Variants in PRKAG2 observed in about 807,000 individuals in gnomAD.
PRKAG2 encodes the protein 5'-AMP-activated protein kinase subunit gamma-2.
PRKAG2 carries 26 observed loss-of-function variants against 69.6 expected under a neutral mutation model. The ratio of observed to expected loss-of-function variants is 0.37; its 90% CI spans 0.27 to 0.52. PRKAG2 has a LOEUF of 0.52. Among genes scored for constraint, PRKAG2 ranks in the 20% least tolerant of loss-of-function variants. The pLI is 0.90. For missense variants in PRKAG2, 557 were observed against 740.0 expected, an observed-to-expected ratio of 0.75 and a Z score of 2.87; for synonymous variants, 293 against 285.0, an observed-to-expected ratio of 1.03 and a Z score of -0.28.
At chr7:151,585,202 T>G (rs967959833) in intron 6 of PRKAG2, among the ~76,000 whole-genome samples, 9 of 152,234 alleles carry the variant, frequency 5.9e-5, no homozygotes, top group African/African-American at 2.2e-4. Context: ...TTAATAAAAA[T>G]GATTTCTGTT....
chr7:151,693,972 A>T (rs573254951), intron 3 of PRKAG2, among the ~76,000 whole-genome samples: 5 of 152,266 alleles, frequency 3.3e-5, no homozygotes, highest in Admixed American at 1.3e-4. Context: ...CCTGGGTTCA[A>T]GCAATTCTTC....
In PRKAG2 at chr7:151,780,532, G is replaced by A. The variant is rs11981567; in HGVS notation, c.466+620C>T. Among the ~76,000 whole-genome samples, 2,345 of 152,256 alleles carry A rather than the reference G, an allele frequency of 0.015. 55 individuals carry two copies. Among genetic ancestry groups the A allele is most frequent in the African/African-American group, 0.053 (2,211 of 41,528 alleles). On this transcript the variant is annotated intron_variant, in intron 3 of 15. Coordinates refer to ENST00000287878, the MANE Select transcript of PRKAG2 (RefSeq NM_016203.4). The surrounding 1 kb of genome is among the most constrained non-coding windows in gnomAD (Gnocchi z 4.2). Reference sequence around the variant, plus strand: ...TATATTTCATATTATCATCGACGGCGCTCAAATGAAAATACCTTATCCTCA... The same window carrying A: ...TATATTTCATATTATCATCGACGGCACTCAAATGAAAATACCTTATCCTCA...
intron 3 of PRKAG2, among the ~76,000 whole-genome samples, chr7:151,687,922 A>G (rs184947965): frequency 1.5e-3 from 235 of 151,942 alleles, no homozygotes; most frequent in African/African-American, 5.4e-3. Flanking sequence ...CTCCTCCCCA[A>G]CGGGGCTCCC....
intron 1 of PRKAG2, among the ~76,000 whole-genome samples, chr7:151,876,132 C>T (rs1021827534): frequency 6.6e-6 from 1 of 150,870 alleles, no homozygotes; most frequent in Non-Finnish European, 1.5e-5. Flanking sequence ...GCTCCACCTC[C>T]CCGGAGCGCA....
At chr7:151,671,862 T>G (rs1315606038) in intron 4 of PRKAG2, among the ~76,000 whole-genome samples, 3 of 152,228 alleles carry the variant, frequency 2.0e-5, no homozygotes, top group Non-Finnish European at 4.4e-5. Context: ...GGACATTCTC[T>G]TCCATTCCTT....
In PRKAG2 at chr7:151,631,676, T is replaced by C. The variant is rs987891642; in HGVS notation, c.754+393A>G. 3.9e-5 allele frequency: 18 copies of C among 457,518 alleles called. No homozygotes were observed. In the East Asian group the frequency reaches 1.3e-3, roughly 32 times the overall value. 28.3% of individuals were successfully genotyped at this position (457,518 alleles called of 1,614,324 possible). A position where few individuals can be genotyped will look rare whatever the true frequency, so the allele number is the denominator to read the frequency against. Reference sequence around the variant, plus strand: ...ACAGGCGCAGATAAGGGCACCAGTCTATGATTAAAGGGTCTGGACTGTGGG... The same window carrying C: ...ACAGGCGCAGATAAGGGCACCAGTCCATGATTAAAGGGTCTGGACTGTGGG... On this transcript the variant is annotated intron_variant, in intron 5 of 15. Transcript: ENST00000287878.
chr7:151,817,833 G>C (rs560195388), intron 1 of PRKAG2, among the ~76,000 whole-genome samples: 7 of 152,330 alleles, frequency 4.6e-5, no homozygotes, highest in African/African-American at 1.7e-4. Context: ...TTCGATCAAA[G>C]TGATGTTCCC....
intron 3 of PRKAG2, among the ~76,000 whole-genome samples, chr7:151,766,508 G>C (rs1277141793): frequency 6.6e-6 from 1 of 152,196 alleles, no homozygotes; most frequent in African/African-American, 2.4e-5. Context: ...CCCAGATCGT[G>C]GATAAGTCCC....
In PRKAG2 at chr7:151,556,884, CA is replaced by C. The variant is rs1803883060; in HGVS notation, c.*316del. 1 of 406,136 alleles carries C rather than the reference CA, an allele frequency of 2.5e-6. No homozygotes were observed. Among genetic ancestry groups the C allele is most frequent in the African/African-American group, 2.1e-5 (1 of 48,630 alleles). The allele number at this position is 406,136 out of a possible 1,614,324, so 25.2% of individuals were successfully genotyped here. ...AACATACCGTGCACTCACCTTATGC[CA>C]CATCACCTGTTCCATACCAGTGAAT... is the stretch of plus-strand genomic sequence containing the variant. On this transcript the variant is annotated 3_prime_UTR_variant, in exon 16 of 16. Transcript: ENST00000287878.
chr7:151,863,008 G>A (rs1467061611), intron 1 of PRKAG2, among the ~76,000 whole-genome samples: 1 of 147,302 alleles, frequency 6.8e-6, no homozygotes, highest in Non-Finnish European at 1.5e-5. Flanking sequence ...AGGGGGTGCT[G>A]GTAGACCCCA....
chr7:151,615,587 T>G (rs1022191825), intron 5 of PRKAG2, among the ~76,000 whole-genome samples: 12 of 152,130 alleles, frequency 7.9e-5, no homozygotes, highest in African/African-American at 2.9e-4. Context: ...ACTTAAGAGC[T>G]TCTGCACGGC....
intron 2 of PRKAG2, among the ~76,000 whole-genome samples, chr7:151,783,105 GGC>G (rs2076809253): frequency 6.6e-6 from 1 of 152,182 alleles, no homozygotes; most frequent in East Asian, 1.9e-4. Context: ...GCCACTAGAG[GGC>G]GGCCCAAGCC....
intron 4 of PRKAG2, among the ~76,000 whole-genome samples, chr7:151,671,073 C>T (rs1831952075): frequency 1.3e-5 from 2 of 148,496 alleles, no homozygotes; most frequent in South Asian, 4.3e-4. Context: ...ACTTGAGAGG[C>T]CGAGGCAGGA....
chr7:151,676,614 G>A (rs771243549), intron 3 of PRKAG2, among the ~76,000 whole-genome samples: 1 of 152,132 alleles, frequency 6.6e-6, no homozygotes, highest in Admixed American at 6.5e-5. Flanking sequence ...TTTAAGTGGC[G>A]AGTGTACACC....
At position 151,876,566 on chromosome 7, in the gene PRKAG2, C is replaced by T; in HGVS notation, c.55G>A (p.Gly19Arg). 3 of 1,610,486 alleles carry T rather than the reference C, an allele frequency of 1.9e-6. No individual in the cohort carries two copies. The highest frequency in any genetic ancestry group is 3.3e-4 in the Middle Eastern group (2 of 6,062). ...KKKKDVSSPG[G>R]SGGKKNASQK... is the part of the protein sequence containing the mutation. ...CTGGCATTTTTCTTGCCGCCGCTCC[C>T]GCCGGGGCTGGAAACATCTTTTTTC... Residue 19 changes from glycine to arginine, a missense_variant, in exon 1 of 16, where the codon GGG (glycine) becomes AGG (arginine). By Grantham distance (125) the Gly-to-Arg change is moderately radical (BLOSUM62 -2). Transcript: ENST00000287878.
At chr7:151,619,884 G>T (rs1821051938) in intron 5 of PRKAG2, among the ~76,000 whole-genome samples, 1 of 152,154 alleles carries the variant, frequency 6.6e-6, no homozygotes, top group Non-Finnish European at 1.5e-5. Context: ...AGCTGGGCAT[G>T]GTGGCGCATG....
intron 3 of PRKAG2, among the ~76,000 whole-genome samples, chr7:151,687,081 T>C (rs773816675): frequency 1.3e-5 from 2 of 152,204 alleles, no homozygotes; most frequent in Non-Finnish European, 2.9e-5. Context: ...GGTATTTACA[T>C]GGGAACTAAC....
chr7:151,637,706 G>GGTT (rs1305319171), intron 4 of PRKAG2, among the ~76,000 whole-genome samples: 4 of 136,688 alleles, frequency 2.9e-5, no homozygotes, highest in African/African-American at 1.2e-4. Flanking sequence ...AAAGTCATGA[G>GGTT]GTTTTTTTTT....
intron 3 of PRKAG2, chr7:151,735,874 G>A: frequency 6.5e-7 from 1 of 1,536,154 alleles, no homozygotes; most frequent in East Asian, 2.4e-5. Context: ...AGACCACCAG[G>A]GGCTCGGGAA....
Sources: gnomAD v4.1 joint callset for allele counts (sites outside exome capture counted in the v4.1 genomes callset) on GRCh38, gnomAD v4.1.1 for gene constraint, Gnocchi (gnomAD v3.1) non-coding constraint, MANE v1.5 for transcripts, NCBI Gene and HGNC (gene_info 2026-07-23, HGNC 2026-07-21) for gene names.